Variants in CACNA1E observed in about 807,000 individuals in gnomAD.
CACNA1E encodes the protein voltage-dependent R-type calcium channel subunit alpha-1E.
CACNA1E carries 40 observed loss-of-function variants against 259.2 expected under a neutral mutation model. The ratio of observed to expected loss-of-function variants is 0.15; its 90% CI spans 0.12 to 0.20. The LOEUF (loss-of-function observed/expected upper bound fraction) is 0.20. CACNA1E is among the 10% of genes least tolerant of loss of function. CACNA1E has a pLI of 1.00. For synonymous variants in CACNA1E, 1,104 were observed against 1,138.5 expected, an observed-to-expected ratio of 0.97 and a Z score of 0.61; for missense variants, 1,874 against 3,040.1, an observed-to-expected ratio of 0.62 and a Z score of 9.02.
intron 7 of CACNA1E, among the ~76,000 whole-genome samples, chr1:181,691,218 ATTTAG>A (rs143671827): frequency 0.025 from 3,820 of 151,754 alleles, 155 homozygotes; most frequent in African/African-American, 0.087. Context: ...ATATATATTT[ATTTAG>A]TTCTTTGATT....
intron 1 of CACNA1E, among the ~76,000 whole-genome samples, chr1:181,406,539 G>GTTAAT (rs1250361788): frequency 6.6e-6 from 1 of 152,046 alleles, no homozygotes; most frequent in African/African-American, 2.4e-5. Context: ...GGGATTACAG[G>GTTAAT]CACCTGCCAG....
At chr1:181,388,970 T>C (rs1656057605) in intron 1 of CACNA1E, among the ~76,000 whole-genome samples, 1 of 152,206 alleles carries the variant, frequency 6.6e-6, no homozygotes. Context: ...CATTGTTTTG[T>C]GGTGCATGAC....
chr1:181,731,993 A>G (rs191855527), intron 19 of CACNA1E, among the ~76,000 whole-genome samples: 10 of 151,706 alleles, frequency 6.6e-5, no homozygotes, highest in African/African-American at 2.2e-4. Context: ...AAGACCTTTG[A>G]CCTTGAATCA....
chr1:181,662,523 C>T (rs1647788989), intron 7 of CACNA1E, among the ~76,000 whole-genome samples: 1 of 152,154 alleles, frequency 6.6e-6, no homozygotes, highest in African/African-American at 2.4e-5. Context: ...AATTATTTCA[C>T]TTTTCTATAC....
At chr1:181,486,207 T>C (rs1431062637) in intron 1 of CACNA1E, among the ~76,000 whole-genome samples, 5 of 152,028 alleles carry the variant, frequency 3.3e-5, no homozygotes, top group African/African-American at 9.7e-5. Context: ...CTCGAGGGAG[T>C]TGATTTCAGC....
At position 181,761,866 on chromosome 1, in the gene CACNA1E, CT is replaced by C. The variant is rs1658608632; in HGVS notation, c.4606-707del. Among the ~76,000 whole-genome samples, 5 of 152,340 alleles carry C rather than the reference CT, an allele frequency of 3.3e-5. No homozygotes were observed. In the South Asian group the frequency reaches 1.0e-3, roughly 32 times the overall value. ...GGTGGATTTTCCAGGCTCTTTATAT[CT>C]CCTTCAGCCCACTCATTGTATTACT... On this transcript the variant is annotated intron_variant, in intron 32 of 47. Transcript: ENST00000367573.
At chr1:181,529,300 A>G (rs971393986) in intron 3 of CACNA1E, among the ~76,000 whole-genome samples, 2 of 152,250 alleles carry the variant, frequency 1.3e-5, no homozygotes, top group African/African-American at 4.8e-5. Context: ...CCTAGATTTC[A>G]GAAGTTGTAT....
At chr1:181,771,435 G>C (rs1161018800) in intron 36 of CACNA1E, 51 bp downstream of exon 36, 11 of 980,792 alleles carry the variant, frequency 1.1e-5, no homozygotes, top group Non-Finnish European at 1.8e-5. Flanking sequence ...TGGAGGGAGA[G>C]AGAGTTTGTC....
chr1:181,523,909 G>A (rs376034831), intron 3 of CACNA1E, among the ~76,000 whole-genome samples: 55 of 152,332 alleles, frequency 3.6e-4, no homozygotes, highest in Non-Finnish European at 6.0e-4. Flanking sequence ...TGCTTCACTC[G>A]TGAACAGAAC....
intron 46 of CACNA1E, among the ~76,000 whole-genome samples, chr1:181,795,356 A>G (rs1345336573): frequency 6.6e-6 from 1 of 152,154 alleles, no homozygotes; most frequent in African/African-American, 2.4e-5. Context: ...TTAGGATTGT[A>G]TTAGAGACCC....
Position 181,519,707 on chromosome 1 carries a change from C to T in CACNA1E, c.512+8197C>T, listed in dbSNP as rs567388704. Among the ~76,000 whole-genome samples the T allele has an allele frequency of 8.5e-5, 13 of 152,228 alleles. No individual in the cohort carries two copies. In the East Asian group the frequency reaches 2.3e-3, roughly 27 times the overall value. ...TAATTCCAAATCTAGGACTCTGTTG[C>T]AGCGATGCCTTACTACCCCTGGCGA... is the stretch of plus-strand genomic sequence containing the variant. On this transcript the variant is annotated intron_variant, in intron 3 of 47. Transcript: ENST00000367573.
At chr1:181,744,928 G>A (rs1262736166) in intron 25 of CACNA1E, among the ~76,000 whole-genome samples, 6 of 152,184 alleles carry the variant, frequency 3.9e-5, no homozygotes, top group African/African-American at 1.4e-4. Flanking sequence ...ATTTCCAACT[G>A]TAAGCAGATA....
intron 3 of CACNA1E, among the ~76,000 whole-genome samples, chr1:181,526,304 T>TGGTGG (rs1473338442): frequency 6.6e-6 from 1 of 151,916 alleles, no homozygotes; most frequent in African/African-American, 2.4e-5. Context: ...AATAGTTAGT[T>TGGTGG]GGTGGGGTCA....
At chr1:181,772,429 T>C (rs556422506) in intron 37 of CACNA1E, among the ~76,000 whole-genome samples, 198 bp downstream of exon 37, 1 of 152,166 alleles carries the variant, frequency 6.6e-6, no homozygotes, top group Non-Finnish European at 1.5e-5. Flanking sequence ...TGGAGAACTC[T>C]TGGAGATTAG....
intron 25 of CACNA1E, among the ~76,000 whole-genome samples, chr1:181,744,087 C>G (rs759823194): frequency 1.3e-5 from 2 of 152,226 alleles, no homozygotes; most frequent in Non-Finnish European, 2.9e-5. Context: ...TAGCCAGAAA[C>G]GAAAAACATG....
At chr1:181,653,206 C>A (rs1658912834) in intron 7 of CACNA1E, among the ~76,000 whole-genome samples, 1 of 152,026 alleles carries the variant, frequency 6.6e-6, no homozygotes, top group African/African-American at 2.4e-5. Context: ...CTGGTAGGGC[C>A]ATTGATATAG....
chr1:181,712,142 A>C (rs1418823783), intron 8 of CACNA1E, among the ~76,000 whole-genome samples: 1 of 151,850 alleles, frequency 6.6e-6, no homozygotes, highest in African/African-American at 2.4e-5. Context: ...GATTTCATTA[A>C]CCCACAGAGC....
At chr1:181,724,617 T>G in intron 17 of CACNA1E, 80 bp downstream of exon 17, 2 of 1,171,690 alleles carry the variant, frequency 1.7e-6, no homozygotes, top group Non-Finnish European at 2.5e-6. Flanking sequence ...TCTCCCAAAG[T>G]CTACATTGTC....
At chr1:181,510,212 A>ATATT (rs573501046) in intron 1 of CACNA1E, among the ~76,000 whole-genome samples, 493 of 152,260 alleles carry the variant, frequency 3.2e-3, no homozygotes, top group Non-Finnish European at 5.2e-3. Flanking sequence ...ATGCCCAACT[A>ATATT]TATTATGTAT....
Sources: allele counts gnomAD v4.1 joint callset (sites outside exome capture counted in the v4.1 genomes callset), GRCh38; gene constraint gnomAD v4.1.1; transcripts MANE v1.5; gene names NCBI Gene and HGNC (gene_info 2026-07-23, HGNC 2026-07-21).